Variants in HSP90AA1 observed in about 807,000 individuals in gnomAD.
HSP90AA1 encodes the protein heat shock protein HSP 90-alpha.
HSP90AA1 carries 18 observed loss-of-function variants against 73.3 expected under a neutral mutation model. The ratio of observed to expected loss-of-function variants is 0.25; its 90% CI spans 0.17 to 0.36. The LOEUF (loss-of-function observed/expected upper bound fraction) is 0.36. HSP90AA1 is among the 10% of genes least tolerant of loss of function. HSP90AA1 has a pLI of 1.00. For missense variants in HSP90AA1, 704 were observed against 874.2 expected (o/e 0.81, Z 2.45); for synonymous variants, 477 against 296.9 (o/e 1.61, Z -6.24).
chr14:102,091,019 A>C (rs2049350834), upstream of HSP90AA1, among the ~76,000 whole-genome samples: 1 of 152,218 alleles, frequency 6.6e-6, no homozygotes, highest in Non-Finnish European at 1.5e-5. Flanking sequence ...TGTAGCATAG[A>C]CATGAACATG....
intron 1 of HSP90AA1, among the ~76,000 whole-genome samples, chr14:102,127,918 A>G (rs2049858571): frequency 6.6e-6 from 1 of 152,020 alleles, no homozygotes; most frequent in African/African-American, 2.4e-5. Flanking sequence ...AAGTGCTGGG[A>G]TTATAGGTGT....
At chr14:102,084,615 A>G (rs1302465211) in intron 5 of HSP90AA1, 51 bp from the exon 6 acceptor site, 5 of 1,614,060 alleles carry the variant, frequency 3.1e-6, no homozygotes, top group African/African-American at 1.3e-5. Context: ...ATTATAGAAG[A>G]TATTTGGGGT....
At chr14:102,131,866 A>C (rs140584894) in intron 1 of HSP90AA1, among the ~76,000 whole-genome samples, 2 of 152,302 alleles carry the variant, frequency 1.3e-5, no homozygotes, top group African/African-American at 4.8e-5. Flanking sequence ...AGAATATGGA[A>C]TCCATGAGTG....
intron 1 of HSP90AA1, among the ~76,000 whole-genome samples, chr14:102,110,114 T>C (rs1358584363): frequency 6.6e-6 from 1 of 151,986 alleles, no homozygotes; most frequent in South Asian, 2.1e-4. Context: ...TTTGTATTTT[T>C]AGTAGAGACA....
At chr14:102,088,227 C>T (rs1280231219), upstream of HSP90AA1, among the ~76,000 whole-genome samples, 4 of 152,176 alleles carry the variant, frequency 2.6e-5, no homozygotes, top group Non-Finnish European at 4.4e-5. Context: ...TGGCCAAGGC[C>T]AGCTGTGGGA....
chr14:102,085,065 T>C, intron 4 of HSP90AA1, 67 bp from the exon 5 acceptor site: 1 of 1,611,380 alleles, frequency 6.2e-7, no homozygotes, highest in Non-Finnish European at 8.5e-7. Flanking sequence ...GCTGCACCAC[T>C]ATTTTCAACC....
At chr14:102,090,448 A>G (rs984865506), upstream of HSP90AA1, among the ~76,000 whole-genome samples, 4 of 136,694 alleles carry the variant, frequency 2.9e-5, no homozygotes, top group East Asian at 2.2e-4. Context: ...CCTCAACAAC[A>G]TATTTCTTTT....
chr14:102,095,353 T>C (rs771211543), intron 2 of HSP90AA1, among the ~76,000 whole-genome samples: 3 of 151,770 alleles, frequency 2.0e-5, no homozygotes, highest in Non-Finnish European at 2.9e-5. Flanking sequence ...GGGAGAGGGG[T>C]GGCGGGACTC....
chr14:102,088,599 T>C (rs910194769), upstream of HSP90AA1, among the ~76,000 whole-genome samples: 7 of 152,148 alleles, frequency 4.6e-5, no homozygotes, highest in Non-Finnish European at 8.8e-5. Flanking sequence ...GGTGTGTGCC[T>C]GGTCCTGTGG....
At chr14:102,122,166 T>A (rs2152624389) in intron 1 of HSP90AA1, among the ~76,000 whole-genome samples, 1 of 152,282 alleles carries the variant, frequency 6.6e-6, no homozygotes, top group East Asian at 1.9e-4. Context: ...AAATGGTTAG[T>A]TGGTTGTTCC....
chr14:102,124,823 T>A (rs2049821621), intron 1 of HSP90AA1, among the ~76,000 whole-genome samples: 1 of 152,228 alleles, frequency 6.6e-6, no homozygotes, highest in African/African-American at 2.4e-5. Context: ...TTAAATAATG[T>A]GATCATGAAT....
At chr14:102,083,001 TA>T in intron 9 of HSP90AA1, 32 bp downstream of exon 9, 1 of 1,601,140 alleles carries the variant, frequency 6.2e-7, no homozygotes, top group Non-Finnish European at 8.6e-7. Flanking sequence ...ACCTTAGAAG[TA>T]TCAATGATCA....
At chr14:102,139,664 C>T in exon 1 of HSP90AA1, 1 of 651,254 alleles carries the variant, frequency 1.5e-6, no homozygotes, top group South Asian at 2.0e-5. Context: ...GGGAAGCAGC[C>T]ATGCCGCCCG....
chr14:102,093,780 C>T (rs191160842), intron 2 of HSP90AA1, among the ~76,000 whole-genome samples: 1 of 152,236 alleles, frequency 6.6e-6, no homozygotes, highest in African/African-American at 2.4e-5. Context: ...AGAGACCAGC[C>T]TGGCCAACGT....
Position 102,084,411 on chromosome 14 carries a change from G to A in HSP90AA1, c.1135C>T (p.Pro379Ser). ...TATCTATACTTACTCAGATATTCAGGGATTAGCTCCTCACAGTTATCCATG... is the reference window on the plus strand; with the variant it reads ...TATCTATACTTACTCAGATATTCAGAGATTAGCTCCTCACAGTTATCCATG... ...FIMDNCEELI[P>S]EYLNFIRGVV... The change falls in exon 6 of 11, where the codon CCT becomes TCT. Residue 379 changes from proline to serine, a missense_variant. Pro to Ser is a moderately conservative substitution (Grantham distance 74). Transcript: ENST00000216281. The A allele has an allele frequency of 6.2e-7, 1 of 1,612,104 alleles. No homozygotes were observed. The highest frequency in any genetic ancestry group is 1.1e-5 in the South Asian group (1 of 91,010).
intron 1 of HSP90AA1, among the ~76,000 whole-genome samples, chr14:102,136,593 A>C (rs1479214127): frequency 7.3e-6 from 1 of 136,738 alleles, no homozygotes; most frequent in African/African-American, 2.6e-5. Context: ...AAAAAAAAGA[A>C]ATACCCGGTT....
At chr14:102,131,050 A>G (rs1003916751) in intron 1 of HSP90AA1, among the ~76,000 whole-genome samples, 3 of 152,336 alleles carry the variant, frequency 2.0e-5, no homozygotes, top group African/African-American at 7.2e-5. Context: ...CTATCTGCTG[A>G]TAACTGCAGA....
At position 102,081,668 on chromosome 14, in the gene HSP90AA1, G is replaced by A. The variant is rs748749956; in HGVS notation, c.*44C>T. 6 of 840,720 alleles carry A rather than the reference G, an allele frequency of 7.1e-6. No homozygotes were observed. Among genetic ancestry groups the A allele is most frequent in the South Asian group, 2.6e-5 (2 of 75,672 alleles). The allele number at this position is 840,720 out of a possible 1,614,324, so 52.1% of individuals were successfully genotyped here. ...CATCCTTGAAAATATATTATCAGAGGAATTGTAGAGTACTGAACAGGTAAG... is the reference window on the plus strand; with the variant it reads ...CATCCTTGAAAATATATTATCAGAGAAATTGTAGAGTACTGAACAGGTAAG... On this transcript the variant is annotated 3_prime_UTR_variant, in exon 11 of 11. Coordinates refer to ENST00000216281, the MANE Select transcript of HSP90AA1 (RefSeq NM_005348.4).
At chr14:102,128,278 G>A (rs1050316770) in intron 1 of HSP90AA1, among the ~76,000 whole-genome samples, 2 of 152,080 alleles carry the variant, frequency 1.3e-5, no homozygotes, top group Admixed American at 1.3e-4. Flanking sequence ...GATCACTTGA[G>A]GTCAGCAATT....
Sources: gnomAD v4.1 joint callset for allele counts (sites outside exome capture counted in the v4.1 genomes callset) on GRCh38, gnomAD v4.1.1 for gene constraint, MANE v1.5 for transcripts, NCBI Gene and HGNC (gene_info 2026-07-23, HGNC 2026-07-21) for gene names.